OXSR1: variants seen among roughly 807,000 people sequenced by gnomAD.
OXSR1 encodes serine/threonine-protein kinase OSR1.
A neutral mutation model predicts 79.8 loss-of-function variants in OXSR1; 24 were observed. The observed-to-expected ratio is 0.30, with a 90% CI of 0.22 to 0.42. The LOEUF (loss-of-function observed/expected upper bound fraction) is 0.42, where lower values mean the gene tolerates loss of function less well. Among genes scored for constraint, OXSR1 ranks in the 10% least tolerant of loss-of-function variants. OXSR1 has a pLI of 1.00. For synonymous variants in OXSR1, 226 were observed against 209.2 expected, an observed-to-expected ratio of 1.08 and a Z score of -0.69; for missense variants, 430 against 618.4, an observed-to-expected ratio of 0.70 and a Z score of 3.23.
intron 12 of OXSR1, among the ~76,000 whole-genome samples, chr3:38,244,670 T>TGTGTGTGTGTGTGTGCGCAC (rs1491372358): frequency 1.3e-5 from 2 of 149,626 alleles, no homozygotes; most frequent in Non-Finnish European, 3.0e-5. Context: ...TGTGTGTGCG[T>TGTGTGTGTGTGTGTGCGCAC]GCGCATGTAC....
chr3:38,230,437 C>T lies in OXSR1; in HGVS notation c.951+7C>T. On this transcript the variant is annotated splice_region_variant and intron_variant, in intron 10 of 17. Transcript: ENST00000311806. Reference sequence around the variant, plus strand: ...TTCTGAAAGAGCAAAAAAGGTAAATCAGAATTTAACTCAGTTTTCCTGAAG... The same window carrying T: ...TTCTGAAAGAGCAAAAAAGGTAAATTAGAATTTAACTCAGTTTTCCTGAAG... 1 of 1,569,318 alleles carries T rather than the reference C, an allele frequency of 6.4e-7. No homozygotes were observed. The highest frequency in any genetic ancestry group is 8.8e-7 in the Non-Finnish European group (1 of 1,141,142).
intron 12 of OXSR1, among the ~76,000 whole-genome samples, chr3:38,243,204 A>AT (rs1241652849): frequency 2.7e-5 from 4 of 150,838 alleles, no homozygotes; most frequent in South Asian, 2.1e-4. Context: ...TAATTTTTGT[A>AT]TTTTTTTTAG....
upstream of OXSR1, among the ~76,000 whole-genome samples, chr3:38,164,705 A>G (rs1352977873): frequency 6.6e-6 from 1 of 152,110 alleles, no homozygotes; most frequent in Admixed American, 6.5e-5. Context: ...TAATACCCCA[A>G]GCCCTGTCCG....
At chr3:38,233,952 A>G (rs1172033229) in intron 10 of OXSR1, among the ~76,000 whole-genome samples, 1 of 152,198 alleles carries the variant, frequency 6.6e-6, no homozygotes, top group African/African-American at 2.4e-5. Flanking sequence ...CAAAAAGTGA[A>G]CATGACACTG....
rs564532020 is a variant in OXSR1, at chr3:38,170,087, C to A, written c.70+4141C>A. Among the ~76,000 whole-genome samples, 4 of 151,884 alleles carry A rather than the reference C, an allele frequency of 2.6e-5. No homozygotes were observed. In the South Asian group the frequency reaches 8.3e-4, roughly 32 times the overall value. On this transcript the variant is annotated intron_variant, in intron 1 of 17. Transcript: ENST00000311806. ...TGAGTTGGAGTCTTACTCTGTCGCC[C>A]AGGCTGGAGTGCAGTGGCATGATCT...
chr3:38,180,239 G>T (rs775894867), intron 1 of OXSR1, among the ~76,000 whole-genome samples: 1 of 152,114 alleles, frequency 6.6e-6, no homozygotes, highest in Non-Finnish European at 1.5e-5. Context: ...CACTGTTCCT[G>T]GCGGAAAAAA....
intron 1 of OXSR1, among the ~76,000 whole-genome samples, chr3:38,173,523 A>T (rs528166174): frequency 6.6e-6 from 1 of 152,186 alleles, no homozygotes; most frequent in South Asian, 2.1e-4. Flanking sequence ...TATCACATGG[A>T]ATTATTGTAA....
intron 4 of OXSR1, among the ~76,000 whole-genome samples, chr3:38,205,356 A>G (rs537790987): frequency 8.5e-5 from 13 of 152,126 alleles, no homozygotes; most frequent in East Asian, 1.9e-4. Context: ...CTGTTTGGCT[A>G]TCTTCCATTG....
chr3:38,185,196 C>T (rs1701861421), intron 2 of OXSR1, among the ~76,000 whole-genome samples: 1 of 151,990 alleles, frequency 6.6e-6, no homozygotes. Flanking sequence ...ACATTTAAAT[C>T]CATTTGGAAA....
chr3:38,216,930 T>G (rs1236502888), intron 5 of OXSR1, among the ~76,000 whole-genome samples: 1 of 152,166 alleles, frequency 6.6e-6, no homozygotes, highest in Non-Finnish European at 1.5e-5. Context: ...TTGACTCCTT[T>G]AAAATGAGCA....
chr3:38,219,660 TAAATG>T (rs1702549165), intron 5 of OXSR1, among the ~76,000 whole-genome samples: 1 of 152,176 alleles, frequency 6.6e-6, no homozygotes, highest in Non-Finnish European at 1.5e-5. Flanking sequence ...CTGAATGCAC[TAAATG>T]TACTTTTTCC....
chr3:38,173,743 A>G (rs1403287737), intron 1 of OXSR1, among the ~76,000 whole-genome samples: 1 of 152,184 alleles, frequency 6.6e-6, no homozygotes, highest in Non-Finnish European at 1.5e-5. Context: ...CATTCAGCAA[A>G]TATTTCTTGA....
intron 4 of OXSR1, among the ~76,000 whole-genome samples, chr3:38,211,392 T>G (rs1415837582): frequency 1.3e-5 from 2 of 152,220 alleles, no homozygotes; most frequent in Non-Finnish European, 2.9e-5. Context: ...ATTGTTATTT[T>G]CCTGGTGAAT....
chr3:38,225,029 C>G (rs1053873801), intron 8 of OXSR1: 1 of 159,416 alleles, frequency 6.3e-6, no homozygotes, highest in African/African-American at 2.4e-5. Flanking sequence ...TGTCTTAATG[C>G]CATTTACAGT....
intron 1 of OXSR1, among the ~76,000 whole-genome samples, chr3:38,169,832 T>C (rs1424663175): frequency 1.3e-5 from 2 of 151,580 alleles, no homozygotes; most frequent in African/African-American, 4.9e-5. Context: ...TGGGCTCAAG[T>C]GATCCTCCCA....
intron 10 of OXSR1, among the ~76,000 whole-genome samples, chr3:38,231,228 A>G (rs1288860434): frequency 6.6e-6 from 1 of 152,200 alleles, no homozygotes; most frequent in Non-Finnish European, 1.5e-5. Flanking sequence ...CTTGGAAATG[A>G]TATTCTTAAT....
chr3:38,244,666 T>TGTGTGTGTGTGTGTGCGC (rs748851263), intron 12 of OXSR1, among the ~76,000 whole-genome samples: 2,609 of 143,986 alleles, frequency 0.018, 58 homozygotes, highest in Non-Finnish European at 0.021. Context: ...TGTGTGTGTG[T>TGTGTGTGTGTGTGTGCGC]GCGTGCGCAT....
At chr3:38,224,531 G>T in intron 7 of OXSR1, 40 bp from the exon 8 acceptor site, 1 of 1,512,268 alleles carries the variant, frequency 6.6e-7, no homozygotes, top group South Asian at 1.3e-5. Flanking sequence ...AAACTTTACT[G>T]AGTCATCACA....
At chr3:38,248,623 G>C (rs1266714279) in intron 14 of OXSR1, among the ~76,000 whole-genome samples, 1 of 152,146 alleles carries the variant, frequency 6.6e-6, no homozygotes, top group African/African-American at 2.4e-5. Context: ...GGCAGCAAGA[G>C]CTATTTAAGA....
Sources: gnomAD v4.1 joint callset for allele counts (sites outside exome capture counted in the v4.1 genomes callset) on GRCh38, gnomAD v4.1.1 for gene constraint, MANE v1.5 for transcripts, NCBI Gene and HGNC (gene_info 2026-07-23, HGNC 2026-07-21) for gene names.